ARHGAP15: variants seen among roughly 807,000 people sequenced by gnomAD.
ARHGAP15 encodes the protein Rho GTPase activating protein 15.
ARHGAP15 carries 51 observed loss-of-function variants against 63.7 expected under a neutral mutation model. The observed-to-expected ratio is 0.80, with a 90% CI of 0.64 to 1.01. ARHGAP15 has a LOEUF of 1.01. Ranked by LOEUF, ARHGAP15 falls within the 50% of genes least tolerant of loss-of-function variation. ARHGAP15 has a pLI of 0.00. For missense variants in ARHGAP15, 560 were observed against 564.6 expected (o/e 0.99, Z 0.08); for synonymous variants, 191 against 193.8 (o/e 0.99, Z 0.12).
chr2:143,530,604 A>G (rs991872178), intron 10 of ARHGAP15, among the ~76,000 whole-genome samples: 8 of 107,318 alleles, frequency 7.5e-5, no homozygotes, highest in Middle Eastern at 4.3e-3. Flanking sequence ...GTTTGTGTAT[A>G]ATTTTTCCCA....
In ARHGAP15 at chr2:143,345,489, A is replaced by G. The variant is rs578052748; in HGVS notation, c.475-90112A>G. Among the ~76,000 whole-genome samples the G allele has an allele frequency of 2.8e-4, 43 of 152,266 alleles. 1 individual carries two copies. In the South Asian group the frequency reaches 4.3e-3, roughly 15 times the overall value. On this transcript the variant is annotated intron_variant, in intron 6 of 13. Coordinates refer to ENST00000295095, the MANE Select transcript of ARHGAP15 (RefSeq NM_018460.4). ...TGAACCCCACCCCAACCCCTAAAAT[A>G]TAATTTTAATAACACACATTAAAAT...
At chr2:143,192,004 T>G (rs946481750) in intron 2 of ARHGAP15, among the ~76,000 whole-genome samples, 4 of 152,228 alleles carry the variant, frequency 2.6e-5, no homozygotes, top group Non-Finnish European at 1.5e-5. Flanking sequence ...ACATTTCCAA[T>G]CAAAAGCCAG....
intron 9 of ARHGAP15, among the ~76,000 whole-genome samples, chr2:143,509,398 C>T (rs369809680): frequency 2.0e-5 from 3 of 151,442 alleles, no homozygotes; most frequent in Admixed American, 1.3e-4. Context: ...GTCGTAGATT[C>T]AGCAGAGAAT....
chr2:143,609,895 A>G (rs1408450483), intron 11 of ARHGAP15, among the ~76,000 whole-genome samples: 1 of 152,186 alleles, frequency 6.6e-6, no homozygotes, highest in Non-Finnish European at 1.5e-5. Context: ...TCGTGCTCAA[A>G]AGAAAGTGAG....
chr2:143,191,722 A>G (rs536472315), intron 2 of ARHGAP15, among the ~76,000 whole-genome samples: 3 of 152,326 alleles, frequency 2.0e-5, no homozygotes, highest in Admixed American at 1.3e-4. Context: ...CAATCTAGTC[A>G]TTCTTTTTTC....
At chr2:143,750,967 C>G (rs775609108) in intron 13 of ARHGAP15, among the ~76,000 whole-genome samples, 3 of 152,144 alleles carry the variant, frequency 2.0e-5, no homozygotes, top group Admixed American at 6.5e-5. Context: ...CTGTTCAGAT[C>G]TAGGCTCCAC....
intron 11 of ARHGAP15, among the ~76,000 whole-genome samples, chr2:143,561,812 T>G (rs1045112749): frequency 6.6e-6 from 1 of 152,186 alleles, no homozygotes; most frequent in Non-Finnish European, 1.5e-5. Context: ...GACATGTTTT[T>G]CATTTATAGA....
chr2:143,364,273 G>A (rs1686200415), intron 6 of ARHGAP15, among the ~76,000 whole-genome samples: 1 of 151,590 alleles, frequency 6.6e-6, no homozygotes, highest in South Asian at 2.1e-4. Context: ...AATATTGTAG[G>A]CACAGATTCA....
At chr2:143,446,661 G>A (rs557228303) in intron 8 of ARHGAP15, among the ~76,000 whole-genome samples, 1 of 151,368 alleles carries the variant, frequency 6.6e-6, no homozygotes, top group Non-Finnish European at 1.5e-5. Flanking sequence ...AAGTTTTAGG[G>A]TACATGTGCA....
At chr2:143,735,032 G>C (rs1685691500) in intron 13 of ARHGAP15, among the ~76,000 whole-genome samples, 1 of 152,090 alleles carries the variant, frequency 6.6e-6, no homozygotes, top group Non-Finnish European at 1.5e-5. Context: ...AAACGAAATA[G>C]TAGTACTAAG....
intron 2 of ARHGAP15, among the ~76,000 whole-genome samples, chr2:143,164,645 C>T (rs758581535): frequency 2.0e-5 from 3 of 151,880 alleles, no homozygotes; most frequent in Admixed American, 6.6e-5. Context: ...ATGAAAAAAC[C>T]CAGGGGAAAT....
chr2:143,141,516 T>TG (rs1689363441), intron 1 of ARHGAP15, among the ~76,000 whole-genome samples: 1 of 152,012 alleles, frequency 6.6e-6, no homozygotes, highest in African/African-American at 2.4e-5. Flanking sequence ...TATAATTATC[T>TG]GCCAAAATAT....
rs186995917 is a variant in ARHGAP15 at position 143,625,379 on chromosome 2, A to G, written c.1138+1112A>G. 2.0e-5 allele frequency among the ~76,000 whole-genome samples: 3 copies of G among 152,304 alleles called. No individual in the cohort carries two copies. In the East Asian group the frequency reaches 5.8e-4, roughly 29 times the overall value. ...CTTCACCCTTGTTTAAAGCTCTGGCAAAACGGTATCAAGAAAAAGAAGAAA... is the reference window on the plus strand; with the variant it reads ...CTTCACCCTTGTTTAAAGCTCTGGCGAAACGGTATCAAGAAAAAGAAGAAA... On this transcript the variant is annotated intron_variant, in intron 12 of 13. Transcript: ENST00000295095.
chr2:143,630,222 A>G (rs1246837687), intron 12 of ARHGAP15, among the ~76,000 whole-genome samples: 1 of 152,278 alleles, frequency 6.6e-6, no homozygotes, highest in East Asian at 1.9e-4. Context: ...AAAAGCATTC[A>G]TGCCTTAAAT....
At chr2:143,641,435 C>T (rs965281521) in intron 12 of ARHGAP15, among the ~76,000 whole-genome samples, 1 of 152,078 alleles carries the variant, frequency 6.6e-6, no homozygotes, top group African/African-American at 2.4e-5. Context: ...GATATTTGTT[C>T]AACAGATGGC....
chr2:143,697,606 G>A (rs978307450), intron 12 of ARHGAP15, among the ~76,000 whole-genome samples: 1 of 152,126 alleles, frequency 6.6e-6, no homozygotes, highest in Non-Finnish European at 1.5e-5. Context: ...TGAGTTTGAA[G>A]CATGTGTATA....
chr2:143,356,870 G>C (rs921357296), intron 6 of ARHGAP15, among the ~76,000 whole-genome samples: 2 of 152,070 alleles, frequency 1.3e-5, no homozygotes, highest in African/African-American at 4.8e-5. Flanking sequence ...ATTAGATCCC[G>C]CCTTAGTTAG....
At chr2:143,246,682 G>A (rs1694057180) in intron 5 of ARHGAP15, among the ~76,000 whole-genome samples, 1 of 151,988 alleles carries the variant, frequency 6.6e-6, no homozygotes, top group African/African-American at 2.4e-5. Context: ...GGTGGAGGGG[G>A]TGGTTGAAGT....
chr2:143,541,072 G>A (rs187693036), intron 10 of ARHGAP15, among the ~76,000 whole-genome samples: 109 of 152,118 alleles, frequency 7.2e-4, no homozygotes, highest in Non-Finnish European at 9.9e-4. Flanking sequence ...GGCTTTGTTC[G>A]TTTCTTTTTA....
Sources: gnomAD v4.1 joint callset for allele counts (sites outside exome capture counted in the v4.1 genomes callset) on GRCh38, gnomAD v4.1.1 for gene constraint, MANE v1.5 for transcripts, NCBI Gene and HGNC (gene_info 2026-07-23, HGNC 2026-07-21) for gene names.